The following CADPS variants were observed in gnomAD, a reference collection of about 807,000 sequenced individuals.
The protein encoded by CADPS is calcium dependent secretion activator, also known as calcium-dependent secretion activator 1.
In CADPS, 57 loss-of-function variants were observed where a neutral mutation model predicts 167.3. That is an observed-to-expected ratio of 0.34 (90% CI 0.28 to 0.42). The LOEUF (loss-of-function observed/expected upper bound fraction) is 0.42. CADPS is among the 20% of genes least tolerant of loss of function. CADPS has a pLI of 1.00. For synonymous variants in CADPS, 676 were observed against 635.3 expected (o/e 1.06, Z -0.96); for missense variants, 1,414 against 1,738.1 (o/e 0.81, Z 3.32).
chr3:62,706,498 CG>C (rs2082327319), intron 3 of CADPS, among the ~76,000 whole-genome samples: 2 of 151,994 alleles, frequency 1.3e-5, no homozygotes, highest in Middle Eastern at 3.4e-3. Flanking sequence ...TACCACTGAC[CG>C]GGTGGCTTAA....
intron 21 of CADPS, among the ~76,000 whole-genome samples, chr3:62,488,251 C>T (rs944435622): frequency 3.3e-5 from 5 of 152,142 alleles, no homozygotes; most frequent in Non-Finnish European, 7.4e-5. Context: ...CATCAACCCA[C>T]CAATAAGTAG....
intron 23 of CADPS, among the ~76,000 whole-genome samples, chr3:62,475,612 A>AAAAAC (rs2061216413): frequency 1.4e-5 from 2 of 145,752 alleles, no homozygotes; most frequent in Non-Finnish European, 3.0e-5. Flanking sequence ...AAAAAAAAAA[A>AAAAAC]CACCTAAAAA....
chr3:62,594,204 C>G, intron 6 of CADPS, among the ~76,000 whole-genome samples: 1 of 149,018 alleles, frequency 6.7e-6, no homozygotes, highest in Non-Finnish European at 1.5e-5. Context: ...CTCTGTCGCC[C>G]AGGCTGGAGT....
chr3:62,603,989 G>C (rs1277337242), intron 6 of CADPS, among the ~76,000 whole-genome samples: 2 of 140,690 alleles, frequency 1.4e-5, no homozygotes, highest in Non-Finnish European at 3.2e-5. Context: ...ACCACGCCCG[G>C]CTAATTTTTT....
chr3:62,757,049 G>A (rs1347982325), intron 2 of CADPS, among the ~76,000 whole-genome samples: 34 of 152,186 alleles, frequency 2.2e-4, no homozygotes, highest in Non-Finnish European at 1.5e-5. Flanking sequence ...GATGAAGGGA[G>A]CCAAGAAAAT....
At chr3:62,515,027 G>A (rs1042078192) in intron 16 of CADPS, among the ~76,000 whole-genome samples, 1 of 152,106 alleles carries the variant, frequency 6.6e-6, no homozygotes, top group African/African-American at 2.4e-5. Context: ...TTGAGAGAGG[G>A]AGGACACGTA....
In CADPS at chr3:62,561,110, G is replaced by A. The variant is rs544395770; in HGVS notation, c.1645-3597C>T. Among the ~76,000 whole-genome samples the A allele has an allele frequency of 2.7e-5, 4 of 149,272 alleles. No homozygotes were observed. The East Asian group carries it at 7.9e-4, about 29-fold the overall frequency. On this transcript the variant is annotated intron_variant, in intron 9 of 29. Transcript: ENST00000383710. ...AAAAAAAAAAAAAAGAGTGGATGGC[G>A]ACAGCTGCCTTTATTATTAGATAGT... is the stretch of plus-strand genomic sequence containing the variant.
At chr3:62,475,799 T>C (rs1056324037) in intron 23 of CADPS, among the ~76,000 whole-genome samples, 4 of 152,032 alleles carry the variant, frequency 2.6e-5, no homozygotes, top group African/African-American at 9.7e-5. Flanking sequence ...GAGGACTGAG[T>C]TGGACAGGTC....
Position 62,476,101 on chromosome 3 carries a change from T to C in CADPS, c.3330-1781A>G, listed in dbSNP as rs114923897. ...TGTGTTCAGCACAAGTAACCTGATA[T>C]AGACTAGACTAGAGGCTCTGTAAAT... On this transcript the variant is annotated intron_variant, in intron 23 of 29. Transcript: ENST00000383710. 2.4e-3 allele frequency among the ~76,000 whole-genome samples: 360 copies of C among 152,298 alleles called. 1 individual carries two copies. The highest frequency in any genetic ancestry group is 7.9e-3 in the African/African-American group (330 of 41,568).
intron 19 of CADPS, among the ~76,000 whole-genome samples, chr3:62,493,344 C>T (rs1389763064): frequency 2.6e-5 from 4 of 151,982 alleles, no homozygotes; most frequent in African/African-American, 7.3e-5. Context: ...CCTGTTTTGC[C>T]GATTTCAAAG....
chr3:62,732,863 T>A (rs1196503647), intron 3 of CADPS, among the ~76,000 whole-genome samples: 1 of 152,202 alleles, frequency 6.6e-6, no homozygotes, highest in South Asian at 2.1e-4. Flanking sequence ...GTGAGGAGAC[T>A]GAGGTTCAGA....
At chr3:62,452,559 A>G (rs943454468) in intron 26 of CADPS, among the ~76,000 whole-genome samples, 1 of 152,186 alleles carries the variant, frequency 6.6e-6, no homozygotes, top group Non-Finnish European at 1.5e-5. Context: ...AAGAATTTCT[A>G]TGTTAGAAAA....
intron 6 of CADPS, among the ~76,000 whole-genome samples, chr3:62,605,980 T>C (rs2060641187): frequency 1.3e-5 from 2 of 152,162 alleles, no homozygotes; most frequent in Admixed American, 1.3e-4. Flanking sequence ...TTGGCAGCTA[T>C]GGCAAAAGGA....
intron 28 of CADPS, among the ~76,000 whole-genome samples, chr3:62,408,832 T>G (rs533777502): frequency 6.6e-6 from 1 of 152,334 alleles, no homozygotes; most frequent in East Asian, 1.9e-4. Flanking sequence ...ATTTTCATAC[T>G]CAATTGTCAC....
chr3:62,410,629 G>C (rs973651625), intron 28 of CADPS, among the ~76,000 whole-genome samples: 1 of 152,178 alleles, frequency 6.6e-6, no homozygotes, highest in Non-Finnish European at 1.5e-5. Flanking sequence ...CTGGTAAGTG[G>C]AGATAATAAT....
At chr3:62,669,032 A>G (rs906082632) in intron 3 of CADPS, among the ~76,000 whole-genome samples, 3 of 152,186 alleles carry the variant, frequency 2.0e-5, no homozygotes, top group Admixed American at 6.5e-5. Context: ...TTGCTGGCCT[A>G]TAATCAGTCT....
chr3:62,582,646 G>C (rs9872498), intron 8 of CADPS, among the ~76,000 whole-genome samples: 254 of 152,050 alleles, frequency 1.7e-3, no homozygotes, highest in African/African-American at 5.8e-3. Context: ...TTTAGGCCAC[G>C]TTGGGTCCGA....
At chr3:62,523,647 G>C (rs1440483970) in intron 13 of CADPS, among the ~76,000 whole-genome samples, 1 of 152,156 alleles carries the variant, frequency 6.6e-6, no homozygotes, top group African/African-American at 2.4e-5. Flanking sequence ...CATCTATTTG[G>C]TGATTAAGGG....
At chr3:62,663,308 G>T (rs997642675) in intron 3 of CADPS, among the ~76,000 whole-genome samples, 2 of 152,096 alleles carry the variant, frequency 1.3e-5, no homozygotes, top group African/African-American at 2.4e-5. Context: ...TATTCTAATA[G>T]AATTTTATTT....
Sources: allele counts gnomAD v4.1 joint callset (sites outside exome capture counted in the v4.1 genomes callset), GRCh38; gene constraint gnomAD v4.1.1; transcripts MANE v1.5; gene names NCBI Gene and HGNC (gene_info 2026-07-23, HGNC 2026-07-21).